SRPK2: variants seen among roughly 807,000 people sequenced by gnomAD.
The protein encoded by SRPK2 is SRSF protein kinase 2, also known as SFRS protein kinase 2.
SRPK2 carries 21 observed loss-of-function variants against 90.8 expected under a neutral mutation model. The observed-to-expected ratio is 0.23, with a 90% confidence interval of 0.16 to 0.33. The LOEUF (loss-of-function observed/expected upper bound fraction) is 0.33, where lower values mean the gene tolerates loss of function less well. Among genes scored for constraint, SRPK2 ranks in the 10% least tolerant of loss-of-function variants. SRPK2 has a pLI of 1.00. For synonymous variants in SRPK2, 288 were observed against 311.1 expected, an observed-to-expected ratio of 0.93 and a Z score of 0.78; for missense variants, 620 against 869.0, an observed-to-expected ratio of 0.71 and a Z score of 3.60.
intron 3 of SRPK2, among the ~76,000 whole-genome samples, chr7:105,198,057 T>C (rs1374948032): frequency 2.0e-5 from 3 of 152,238 alleles, no homozygotes; most frequent in African/African-American, 4.8e-5. Context: ...TCCGCTTATA[T>C]TGCACGTATA....
chr7:105,206,027 C>T (rs1303870678), intron 2 of SRPK2: 3 of 518,514 alleles, frequency 5.8e-6, no homozygotes, highest in Non-Finnish European at 1.2e-5. Flanking sequence ...CACTACTGTA[C>T]TTAGCACAAT....
intron 2 of SRPK2, among the ~76,000 whole-genome samples, chr7:105,218,590 C>T (rs1402420462): frequency 6.6e-6 from 1 of 152,194 alleles, no homozygotes; most frequent in East Asian, 1.9e-4. Flanking sequence ...TGTAATGGTC[C>T]AAAAGGTTTA....
Position 105,320,195 on chromosome 7 carries a change from A to G in SRPK2, c.71+68453T>C, listed in dbSNP as rs187336517. 6.9e-4 allele frequency among the ~76,000 whole-genome samples: 105 copies of G among 152,288 alleles called. 2 individuals carry two copies. Among genetic ancestry groups the G allele is most frequent in the African/African-American group, 2.4e-3 (100 of 41,528 alleles). The stretch of plus-strand genomic sequence containing the variant: ...TAAAAAATCAGTGACACATACACAC[A>G]TTCTGTTTCTCTCACAATCACACAA... On this transcript the variant is annotated intron_variant, in intron 2 of 15. Transcript: ENST00000393651.
At chr7:105,309,039 A>AT (rs1354051420) in intron 2 of SRPK2, among the ~76,000 whole-genome samples, 1 of 152,134 alleles carries the variant, frequency 6.6e-6, no homozygotes, top group East Asian at 1.9e-4. Flanking sequence ...TCACTCCCCT[A>AT]TAAAAATACA....
At chr7:105,338,080 T>TAAA (rs34625808) in intron 2 of SRPK2, among the ~76,000 whole-genome samples, 80 of 140,432 alleles carry the variant, frequency 5.7e-4, no homozygotes, top group Middle Eastern at 7.4e-3. Context: ...GAAAGAATAT[T>TAAA]AAAAAAAAAA....
At chr7:105,319,211 A>T (rs1456401488) in intron 2 of SRPK2, among the ~76,000 whole-genome samples, 1 of 152,160 alleles carries the variant, frequency 6.6e-6, no homozygotes, top group Non-Finnish European at 1.5e-5. Flanking sequence ...TCTACACGTT[A>T]ATCAAGGAAT....
intron 9 of SRPK2, among the ~76,000 whole-genome samples, chr7:105,145,008 A>C (rs1804360508): frequency 1.3e-5 from 2 of 151,398 alleles, no homozygotes; most frequent in Non-Finnish European, 2.9e-5. Flanking sequence ...CGGGAGGCTG[A>C]GGCACAAGAA....
rs556830753 is a variant in SRPK2, at chr7:105,359,713, T to C, written c.71+28935A>G. Among the ~76,000 whole-genome samples the C allele has an allele frequency of 2.6e-5, 4 of 152,270 alleles. No homozygotes were observed. In the East Asian group the frequency reaches 7.7e-4, roughly 29 times the overall value. ...CTACTGGCTCTTGAATTTCTCACAA[T>C]CCACATCTGGAAACCGTTCATCCTT... On this transcript the variant is annotated intron_variant, in intron 2 of 15. Transcript: ENST00000393651.
At chr7:105,209,443 C>T (rs968221493) in intron 2 of SRPK2, among the ~76,000 whole-genome samples, 2 of 151,992 alleles carry the variant, frequency 1.3e-5, no homozygotes, top group Non-Finnish European at 2.9e-5. Flanking sequence ...ACTAAGGAGG[C>T]TGATGTGAGA....
intron 2 of SRPK2, among the ~76,000 whole-genome samples, chr7:105,261,994 C>A (rs1490067942): frequency 6.6e-6 from 1 of 152,106 alleles, no homozygotes; most frequent in African/African-American, 2.4e-5. Flanking sequence ...AAGAGGTACT[C>A]ACTGACCCAG....
At chr7:105,318,850 G>A (rs17708070) in intron 2 of SRPK2, among the ~76,000 whole-genome samples, 63,624 of 152,022 alleles carry the variant, frequency 0.42, 15,285 homozygotes, top group Non-Finnish European at 0.54. Context: ...TAAAATCCTG[G>A]TAATAGCAGC....
intron 2 of SRPK2, among the ~76,000 whole-genome samples, chr7:105,218,582 T>C (rs3779208): frequency 0.28 from 43,049 of 152,082 alleles, 8,874 homozygotes; most frequent in East Asian, 0.58. Context: ...TAAGAATTTG[T>C]AATGGTCCAA....
intron 2 of SRPK2, among the ~76,000 whole-genome samples, chr7:105,362,586 T>A (rs554725235): frequency 2.0e-5 from 3 of 152,086 alleles, no homozygotes; most frequent in African/African-American, 7.2e-5. Context: ...GGAACACTTT[T>A]AAACTGTTGG....
intron 2 of SRPK2, among the ~76,000 whole-genome samples, chr7:105,262,011 A>T (rs1585418002): frequency 6.6e-6 from 1 of 152,142 alleles, no homozygotes; most frequent in African/African-American, 2.4e-5. Flanking sequence ...CCAGGTATGG[A>T]GTTTACCTAA....
intron 2 of SRPK2, among the ~76,000 whole-genome samples, chr7:105,293,998 G>A (rs375893354): frequency 1.3e-5 from 2 of 152,130 alleles, no homozygotes; most frequent in Admixed American, 6.5e-5. Flanking sequence ...TGCCTGCACC[G>A]GGGTCAGGGG....
At chr7:105,230,564 T>C (rs1417702427) in intron 2 of SRPK2, among the ~76,000 whole-genome samples, 2 of 152,308 alleles carry the variant, frequency 1.3e-5, no homozygotes, top group Admixed American at 1.3e-4. Context: ...AGAGACCAGA[T>C]TTCTTTTCCT....
chr7:105,358,813 T>C (rs1427522071), intron 2 of SRPK2, among the ~76,000 whole-genome samples: 2 of 152,062 alleles, frequency 1.3e-5, no homozygotes, highest in African/African-American at 4.8e-5. Flanking sequence ...AGAAAAGAGA[T>C]GTATGTGGCT....
chr7:105,369,004 G>A (rs1819396929), intron 2 of SRPK2, among the ~76,000 whole-genome samples: 1 of 151,874 alleles, frequency 6.6e-6, no homozygotes, highest in Non-Finnish European at 1.5e-5. Flanking sequence ...CTGCCTTGGG[G>A]AGCACCCCAA....
intron 7 of SRPK2, among the ~76,000 whole-genome samples, chr7:105,156,611 C>T (rs962854410): frequency 8.5e-5 from 13 of 152,216 alleles, no homozygotes; most frequent in Non-Finnish European, 1.2e-4. Context: ...AGTGATCCTC[C>T]GACCTCAGCC....
Sources: gnomAD v4.1 joint callset for allele counts (sites outside exome capture counted in the v4.1 genomes callset) on GRCh38, gnomAD v4.1.1 for gene constraint, MANE v1.5 for transcripts, NCBI Gene and HGNC (gene_info 2026-07-23, HGNC 2026-07-21) for gene names.